RSPH10B: variants seen among roughly 807,000 people sequenced by gnomAD.
The protein encoded by RSPH10B is radial spoke head 10 homolog B, also known as radial spoke head 10 homolog B (Chlamydomonas).
A neutral mutation model predicts 52.5 loss-of-function variants in RSPH10B; 7 were observed. The ratio of observed to expected loss-of-function variants is 0.13; its 90% CI spans 0.08 to 0.25. The LOEUF (loss-of-function observed/expected upper bound fraction) is 0.25, where lower values mean the gene tolerates loss of function less well. Ranked by LOEUF, RSPH10B falls within the 10% of genes least tolerant of loss-of-function variation. The pLI is 1.00. For missense variants in RSPH10B, 89 were observed against 542.5 expected (o/e 0.16, Z 8.30); for synonymous variants, 28 against 193.2 (o/e 0.14, Z 7.09).
intron 13 of RSPH10B, among the ~76,000 whole-genome samples, chr7:5,941,977 C>T (rs957907395): frequency 3.3e-5 from 5 of 149,364 alleles, no homozygotes; most frequent in Non-Finnish European, 6.0e-5. Flanking sequence ...ATTGCAACCT[C>T]GGCCTCCCAG....
chr7:5,940,022 G>A (rs1268755556), intron 13 of RSPH10B, among the ~76,000 whole-genome samples: 2 of 122,616 alleles, frequency 1.6e-5, no homozygotes, highest in Admixed American at 8.8e-5. Flanking sequence ...TGGACAAACC[G>A]CATCTCTACT....
chr7:5,965,670 G>C (rs1397356802), exon 2 of RSPH10B: 2 of 168,066 alleles, frequency 1.2e-5, no homozygotes, highest in East Asian at 5.5e-4. Flanking sequence ...AGGCTGCGAA[G>C]CCTTCTCCCT....
intron 17 of RSPH10B, among the ~76,000 whole-genome samples, chr7:5,928,851 CTT>C (rs1294284135): frequency 3.3e-5 from 5 of 149,326 alleles, no homozygotes; most frequent in Non-Finnish European, 5.9e-5. Context: ...GTCTCGAACT[CTT>C]AACCTCACGT....
chr7:5,938,059 GCACA>G, intron 14 of RSPH10B, among the ~76,000 whole-genome samples, 158 bp from the exon 17 acceptor site: 1 of 129,570 alleles, frequency 7.7e-6, no homozygotes, highest in Non-Finnish European at 1.8e-5. Context: ...ACACACACAT[GCACA>G]CACACGCACA....
At chr7:5,927,659 C>A (rs1779572048) in intron 18 of RSPH10B, among the ~76,000 whole-genome samples, 1 of 146,024 alleles carries the variant, frequency 6.8e-6, no homozygotes, top group Non-Finnish European at 1.5e-5. Flanking sequence ...AAAATAGCTG[C>A]ATGCAGTGAC....
At chr7:5,954,068 C>T (rs1335061502) in intron 7 of RSPH10B, among the ~76,000 whole-genome samples, 31 of 89,106 alleles carry the variant, frequency 3.5e-4, no homozygotes, top group Non-Finnish European at 4.6e-4. Context: ...TGGTCTCGAT[C>T]TCCTGACCTC....
At chr7:5,939,963 G>A (rs1265422141) in intron 13 of RSPH10B, among the ~76,000 whole-genome samples, 19 of 106,048 alleles carry the variant, frequency 1.8e-4, no homozygotes, top group African/African-American at 4.6e-4. Flanking sequence ...TTGGGAGGCC[G>A]AGGCAGGCGG....
At position 5,960,355 on chromosome 7, in the gene RSPH10B, G is replaced by C. The variant is rs1376841723; in HGVS notation, c.573+336C>G. On this transcript the variant is annotated intron_variant, in intron 4 of 18. Transcript: ENST00000337579. Reference sequence around the variant, plus strand: ...TTGAACCCGGGAGGCAGAGGTTGCAGTGAGCTGAGATGGCACCATTGCACT... The same window carrying C: ...TTGAACCCGGGAGGCAGAGGTTGCACTGAGCTGAGATGGCACCATTGCACT... 3.3e-4 allele frequency among the ~76,000 whole-genome samples: 16 copies of C among 47,824 alleles called. 2 individuals carry two copies. Among genetic ancestry groups the C allele is most frequent in the Non-Finnish European group, 4.5e-4 (10 of 22,160 alleles). 31.4% of individuals were successfully genotyped at this position (47,824 alleles called of 152,430 possible). A position where few individuals can be genotyped will look rare whatever the true frequency, so the allele number is the denominator to read the frequency against.
intron 18 of RSPH10B, chr7:5,927,898 C>T (rs3109223): frequency 0.57 from 249,904 of 435,392 alleles, 54,375 homozygotes; most frequent in African/African-American, 0.74. Flanking sequence ...ATCATACCAC[C>T]CCACTCTAGC....
At chr7:5,932,058 C>T (rs1453997414) in intron 17 of RSPH10B, among the ~76,000 whole-genome samples, 2 of 146,336 alleles carry the variant, frequency 1.4e-5, no homozygotes, top group Non-Finnish European at 3.0e-5. Flanking sequence ...AACAAGGCCA[C>T]GTGCAACTGG....
intron 7 of RSPH10B, among the ~76,000 whole-genome samples, chr7:5,955,069 G>C (rs1412218185): frequency 2.2e-5 from 3 of 136,054 alleles, no homozygotes; most frequent in Non-Finnish European, 4.7e-5. Context: ...AGTGGCTGAG[G>C]CACAAGAATC....
chr7:5,943,293 T>A (rs1554287847), intron 13 of RSPH10B, 31 bp downstream of exon 15: 3 of 1,522,578 alleles, frequency 2.0e-6, no homozygotes, highest in Non-Finnish European at 2.6e-6. Context: ...TGCCTGTAAA[T>A]AGAAAGCCAA....
chr7:5,957,799 C>T, intron 6 of RSPH10B, 108 bp downstream of exon 8: 1 of 1,465,776 alleles, frequency 6.8e-7, no homozygotes, highest in Non-Finnish European at 9.0e-7. Context: ...GACTCTGTCT[C>T]AAAACAAAAA....
chr7:5,960,905 G>C (rs553135573), intron 3 of RSPH10B, 41 bp from the exon 6 acceptor site: 1 of 1,066,298 alleles, frequency 9.4e-7, no homozygotes, highest in Admixed American at 3.8e-5. Context: ...GGAAGTGTTG[G>C]GGGGTGGGGG....
intron 18 of RSPH10B, among the ~76,000 whole-genome samples, chr7:5,927,099 TTTTTTTTTTTG>T (rs1779530454): frequency 3.9e-5 from 4 of 103,386 alleles, no homozygotes; most frequent in Admixed American, 9.8e-5. Context: ...TGTGTGTGTA[TTTTTTTTTTTG>T]AGATAGGGTC....
intron 7 of RSPH10B, among the ~76,000 whole-genome samples, chr7:5,954,988 TAAAAA>T (rs1185408288): frequency 2.1e-4 from 5 of 24,152 alleles, no homozygotes; most frequent in Admixed American, 6.8e-4. Flanking sequence ...CTGTAACTAC[TAAAAA>T]AAAAAAAAAA....
intron 18 of RSPH10B, among the ~76,000 whole-genome samples, chr7:5,927,048 T>TG (rs1347951159): frequency 0.036 from 2,471 of 69,488 alleles, 11 homozygotes; most frequent in East Asian, 0.084. Flanking sequence ...TGTGTGTGTA[T>TG]TATGTGTGTG....
chr7:5,927,033 G>GTGTGTGTGTATATTA (rs1779476339), intron 18 of RSPH10B, among the ~76,000 whole-genome samples: 8 of 45,528 alleles, frequency 1.8e-4, no homozygotes, highest in South Asian at 5.4e-4. Context: ...GTGTGTGTGT[G>GTGTGTGTGTATATTA]TGTGTGTGTG....
At chr7:5,957,009 A>C (rs1388920230) in intron 6 of RSPH10B, among the ~76,000 whole-genome samples, 2 of 13,318 alleles carry the variant, frequency 1.5e-4, no homozygotes, top group African/African-American at 7.1e-4. Context: ...CCTCGTTTCT[A>C]AAAAAAAAAA....
Sources: gnomAD v4.1 joint callset for allele counts (sites outside exome capture counted in the v4.1 genomes callset) on GRCh38, gnomAD v4.1.1 for gene constraint, MANE v1.5 for transcripts, NCBI Gene and HGNC (gene_info 2026-07-23, HGNC 2026-07-21) for gene names.